Variants in CACNA1C observed in about 807,000 individuals in gnomAD.
CACNA1C encodes voltage-dependent L-type calcium channel subunit alpha-1C.
A neutral mutation model predicts 229.0 loss-of-function variants in CACNA1C; 30 were observed. The ratio of observed to expected loss-of-function variants is 0.13; its 90% CI spans 0.10 to 0.18. The LOEUF is 0.18. Among genes scored for constraint, CACNA1C ranks in the 10% least tolerant of loss-of-function variants. The pLI, the probability that CACNA1C is intolerant of heterozygous loss-of-function variation, is 1.00. For missense variants in CACNA1C, 1,658 were observed against 2,845.0 expected (o/e 0.58, Z 9.49); for synonymous variants, 1,114 against 1,132.5 (o/e 0.98, Z 0.33).
intron 18 of CACNA1C, among the ~76,000 whole-genome samples, chr12:2,589,597 T>C (rs1480582283): frequency 5.3e-5 from 8 of 152,168 alleles, no homozygotes; most frequent in Admixed American, 3.9e-4. Context: ...CGCAGGGCCA[T>C]GCGGGAGGCT....
chr12:2,478,630 T>C (rs960835529), intron 5 of CACNA1C, among the ~76,000 whole-genome samples: 1 of 152,236 alleles, frequency 6.6e-6, no homozygotes, highest in Non-Finnish European at 1.5e-5. Flanking sequence ...TTGCTTAAAT[T>C]AACTTGTTTA....
Position 2,669,303 on chromosome 12 carries a change from C to T in CACNA1C, c.4726+268C>T, listed in dbSNP as rs562922863. Among the ~76,000 whole-genome samples the T allele has an allele frequency of 4.6e-5, 7 of 151,596 alleles. No individual in the cohort carries two copies. The South Asian group carries it at 1.5e-3, about 32-fold the overall frequency. The stretch of plus-strand genomic sequence containing the variant: ...CCACATTGGAAGAATTGTCTTGGGC[C>T]ACACATAAAATACACTAACGATAGC... On this transcript the variant is annotated intron_variant, in intron 38 of 46. Transcript: ENST00000399655.
At chr12:2,138,845 CA>C (rs1271372429) in intron 3 of CACNA1C, among the ~76,000 whole-genome samples, 5 of 150,930 alleles carry the variant, frequency 3.3e-5, no homozygotes, top group Non-Finnish European at 5.9e-5. Context: ...TATAGCAACA[CA>C]AATGGACTTA....
intron 3 of CACNA1C, among the ~76,000 whole-genome samples, chr12:2,202,084 A>G (rs1337493854): frequency 2.0e-5 from 3 of 152,212 alleles, no homozygotes; most frequent in Admixed American, 2.0e-4. Context: ...TAGAGAAATG[A>G]TAATGATCGT....
intron 3 of CACNA1C, among the ~76,000 whole-genome samples, chr12:2,169,592 A>G (rs1364331017): frequency 6.6e-6 from 1 of 152,144 alleles, no homozygotes; most frequent in African/African-American, 2.4e-5. Flanking sequence ...TGGTCACTGA[A>G]TTGGATTTGG....
At chr12:2,580,905 A>G (rs778392617) in intron 13 of CACNA1C, among the ~76,000 whole-genome samples, 2 of 152,196 alleles carry the variant, frequency 1.3e-5, no homozygotes, top group African/African-American at 4.8e-5. Flanking sequence ...AGAAACAAAG[A>G]TATCTGGGCC....
In CACNA1C at chr12:2,346,098, T is replaced by A. The variant is rs900268422; in HGVS notation, c.478-102878T>A. 6.6e-6 allele frequency among the ~76,000 whole-genome samples: 1 copy of A among 152,034 alleles called. No individual in the cohort carries two copies. Among genetic ancestry groups the A allele is most frequent in the Non-Finnish European group, 1.5e-5 (1 of 67,986 alleles). ...GTGTTCCATTTAGAACCGCTGAAGC[T>A]CCCCAGGTGCACCAGGAGCCTTCCC... On this transcript the variant is annotated intron_variant, in intron 3 of 46. Transcript: ENST00000399655. This position sits in a 1 kb window ranked among gnomAD's most constrained non-coding sequence, Gnocchi z 4.4.
intron 3 of CACNA1C, among the ~76,000 whole-genome samples, chr12:2,446,625 G>C (rs1453191274): frequency 6.6e-6 from 1 of 151,438 alleles, no homozygotes; most frequent in East Asian, 2.0e-4. Context: ...GTGGTGAGTG[G>C]GTGGGTAGGT....
intron 3 of CACNA1C, among the ~76,000 whole-genome samples, chr12:2,161,499 C>A (rs992535368): frequency 2.0e-4 from 30 of 152,202 alleles, no homozygotes; most frequent in Non-Finnish European, 4.3e-4. Context: ...TGTCACCTCT[C>A]CCTGCAATCC....
chr12:2,648,595 G>A, intron 31 of CACNA1C, 88 bp downstream of exon 31: 1 of 1,202,164 alleles, frequency 8.3e-7, no homozygotes, highest in African/African-American at 1.5e-5. Context: ...CAGAGTCCCT[G>A]GGAGCCCTGC....
At chr12:2,622,284 C>T (rs1207657169) in intron 29 of CACNA1C, among the ~76,000 whole-genome samples, 2 of 152,116 alleles carry the variant, frequency 1.3e-5, no homozygotes, top group Non-Finnish European at 2.9e-5. Flanking sequence ...GTGTGCAGGC[C>T]CTTCAGGACC....
chr12:2,087,745 G>T (rs2154069405), intron 1 of CACNA1C, among the ~76,000 whole-genome samples: 1 of 152,306 alleles, frequency 6.6e-6, no homozygotes, highest in Middle Eastern at 3.4e-3. Context: ...GTGACCTGCT[G>T]GGTGGCAGGA....
At chr12:2,454,641 G>T (rs553886362) in intron 4 of CACNA1C, among the ~76,000 whole-genome samples, 1 of 152,260 alleles carries the variant, frequency 6.6e-6, no homozygotes, top group Admixed American at 6.5e-5. Context: ...CAAGAAATCT[G>T]CAAAGTTGAG....
At chr12:2,229,307 A>G (rs1197326965) in intron 3 of CACNA1C, among the ~76,000 whole-genome samples, 1 of 152,222 alleles carries the variant, frequency 6.6e-6, no homozygotes, top group Non-Finnish European at 1.5e-5. Context: ...CCTGGGATGT[A>G]TTAATTGCTG....
chr12:2,490,119 T>C (rs1220614386), intron 6 of CACNA1C, among the ~76,000 whole-genome samples: 2 of 152,276 alleles, frequency 1.3e-5, no homozygotes, highest in East Asian at 3.8e-4. Context: ...ATCTTTTTCA[T>C]TATTGTTCAA....
intron 1 of CACNA1C, among the ~76,000 whole-genome samples, chr12:2,000,370 C>T (rs1270026498): frequency 1.3e-5 from 2 of 151,980 alleles, no homozygotes; most frequent in Non-Finnish European, 2.9e-5. Context: ...TCTTAGAGAT[C>T]TGAATAAGGA....
At chr12:2,686,130 C>T in intron 44 of CACNA1C, 36 bp from the exon 45 acceptor site, 1 of 1,544,408 alleles carries the variant, frequency 6.5e-7, no homozygotes, top group Non-Finnish European at 9.0e-7. Context: ...GCCCTGTTTT[C>T]CTGCCCTGAT....
At chr12:2,074,668 G>A (rs181682356) in intron 1 of CACNA1C, among the ~76,000 whole-genome samples, 10 of 152,290 alleles carry the variant, frequency 6.6e-5, no homozygotes, top group African/African-American at 2.4e-4. Flanking sequence ...TGCTGAAGAT[G>A]TTGCCCTTTC....
At chr12:2,316,817 C>A (rs746749842) in intron 3 of CACNA1C, among the ~76,000 whole-genome samples, 4 of 152,164 alleles carry the variant, frequency 2.6e-5, no homozygotes, top group Non-Finnish European at 5.9e-5. Flanking sequence ...CAGTGGAGAC[C>A]CATGTGCACA....
Sources: allele counts gnomAD v4.1 joint callset (sites outside exome capture counted in the v4.1 genomes callset), GRCh38; gene constraint gnomAD v4.1.1; non-coding constraint Gnocchi (gnomAD v3.1); transcripts MANE v1.5; gene names NCBI Gene and HGNC (gene_info 2026-07-23, HGNC 2026-07-21).